IL1RAPL1: variants seen among roughly 807,000 people sequenced by gnomAD.
IL1RAPL1 encodes interleukin 1 receptor accessory protein like 1.
A neutral mutation model predicts 48.4 loss-of-function variants in IL1RAPL1; 3 were observed. That is an observed-to-expected ratio of 0.06 (90% CI 0.03 to 0.16). The LOEUF is 0.16. Ranked by LOEUF, IL1RAPL1 falls within the 10% of genes least tolerant of loss-of-function variation. The probability of loss-of-function intolerance (pLI) is 1.00; values close to 1 mark genes in which losing one functional copy is unlikely to be tolerated. For synonymous variants in IL1RAPL1, 185 were observed against 187.7 expected, an observed-to-expected ratio of 0.99 and a Z score of 0.12; for missense variants, 349 against 530.6, an observed-to-expected ratio of 0.66 and a Z score of 3.36.
chrX:29,149,614 A>G (rs1240343507), intron 2 of IL1RAPL1, among the ~76,000 whole-genome samples: 3 of 111,716 alleles, frequency 2.7e-5, no homozygotes, highest in African/African-American at 9.8e-5. Flanking sequence ...CTTTTTCTCC[A>G]GTAATCCAAA....
intron 2 of IL1RAPL1, among the ~76,000 whole-genome samples, chrX:28,839,456 C>T (rs73631609): frequency 0.024 from 2,675 of 110,371 alleles, 75 homozygotes; most frequent in African/African-American, 0.083. Flanking sequence ...TATAAAGCAT[C>T]ATTTGTTTAG....
chrX:29,746,351 T>A (rs368862716), intron 6 of IL1RAPL1, among the ~76,000 whole-genome samples: 1 of 111,926 alleles, frequency 8.9e-6, no homozygotes, highest in Non-Finnish European at 1.9e-5. Flanking sequence ...GGAAAGAACT[T>A]AGAAATTTGA....
intron 8 of IL1RAPL1, among the ~76,000 whole-genome samples, chrX:29,937,903 A>ACTAT (rs1670297413): frequency 2.7e-5 from 3 of 111,741 alleles, no homozygotes; most frequent in Admixed American, 1.9e-4. Context: ...TTAGTAAATG[A>ACTAT]CTATCTATGG....
At chrX:29,158,953 C>CCT (rs758260761) in intron 2 of IL1RAPL1, among the ~76,000 whole-genome samples, 85 of 53,366 alleles carry the variant, frequency 1.6e-3, no homozygotes, top group South Asian at 3.5e-3. Flanking sequence ...CCTCCCTCTC[C>CCT]CTCTCTCTCT....
At chrX:29,416,692 T>A (rs1340150422) in intron 5 of IL1RAPL1, among the ~76,000 whole-genome samples, 1 of 111,998 alleles carries the variant, frequency 8.9e-6, no homozygotes, top group Non-Finnish European at 1.9e-5. Context: ...TTACAAATTG[T>A]TTTTTAAAAA....
At chrX:29,314,422 T>G (rs1409966882) in intron 3 of IL1RAPL1, among the ~76,000 whole-genome samples, 1 of 112,311 alleles carries the variant, frequency 8.9e-6, no homozygotes, top group African/African-American at 3.2e-5. Flanking sequence ...CAATCCATTG[T>G]CCCATGAAAG....
At chrX:29,062,042 A>C (rs940528218) in intron 2 of IL1RAPL1, among the ~76,000 whole-genome samples, 1 of 112,314 alleles carries the variant, frequency 8.9e-6, no homozygotes, top group African/African-American at 3.2e-5. Context: ...TGTAAGGAGA[A>C]AATTATTCCT....
intron 2 of IL1RAPL1, among the ~76,000 whole-genome samples, chrX:28,976,183 G>A (rs1019317821): frequency 1.8e-5 from 2 of 111,784 alleles, no homozygotes; most frequent in African/African-American, 6.5e-5. Context: ...GGATAACTCT[G>A]GCTTTTATAT....
chrX:28,691,228 T>C (rs2146925381), intron 1 of IL1RAPL1, among the ~76,000 whole-genome samples: 1 of 111,194 alleles, frequency 9.0e-6, no homozygotes, highest in Non-Finnish European at 1.9e-5. Flanking sequence ...CTTCTTTAAG[T>C]CATTTATAAG....
At chrX:28,949,839 G>A (rs1354208488) in intron 2 of IL1RAPL1, among the ~76,000 whole-genome samples, 13 of 109,717 alleles carry the variant, frequency 1.2e-4, no homozygotes, top group Non-Finnish European at 2.5e-4. Flanking sequence ...CTGGATATTA[G>A]CCCTTTGTCA....
chrX:29,260,523 A>G (rs1038473432), intron 2 of IL1RAPL1, among the ~76,000 whole-genome samples: 8 of 111,632 alleles, frequency 7.2e-5, no homozygotes, highest in Admixed American at 3.8e-4. Context: ...AAACAGTATG[A>G]GGGAAACCGC....
At chrX:28,754,776 G>A (rs1017157244) in intron 1 of IL1RAPL1, among the ~76,000 whole-genome samples, 2 of 111,687 alleles carry the variant, frequency 1.8e-5, no homozygotes, top group Non-Finnish European at 3.8e-5. Flanking sequence ...TCTTTTTCTG[G>A]AACAACGTTG....
intron 6 of IL1RAPL1, among the ~76,000 whole-genome samples, chrX:29,784,680 C>CT (rs1298771019): frequency 1.4e-5 from 1 of 69,674 alleles, no homozygotes; most frequent in Non-Finnish European, 3.0e-5. Context: ...TTCTTATTAT[C>CT]TTAAAAAAAA....
intron 2 of IL1RAPL1, among the ~76,000 whole-genome samples, chrX:29,182,052 C>T (rs776020806): frequency 2.7e-5 from 3 of 110,789 alleles, no homozygotes; most frequent in Non-Finnish European, 5.7e-5. Flanking sequence ...AGATGGAGGG[C>T]GGTTGCCAGG....
chrX:29,350,494 G>A (rs182333781), intron 3 of IL1RAPL1, among the ~76,000 whole-genome samples: 91 of 107,442 alleles, frequency 8.5e-4, no homozygotes, highest in Admixed American at 5.4e-3. Context: ...CTGAATGTCC[G>A]AATGAGTTTT....
At position 29,090,412 on chromosome X, in the gene IL1RAPL1, A is replaced by G. The variant is rs189058693; in HGVS notation, c.83-192526A>G. ...TTAAACGCTTTTTTCTAAAGCTCAA[A>G]CTGAGAGGAAAACTTTTACATTTAA... On this transcript the variant is annotated intron_variant, in intron 2 of 10. Coordinates refer to ENST00000378993, the MANE Select transcript of IL1RAPL1 (RefSeq NM_014271.4). 2.6e-3 allele frequency among the ~76,000 whole-genome samples: 288 copies of G among 112,030 alleles called. 4 individuals are homozygous for G. The highest frequency in any genetic ancestry group is 3.9e-3 in the Non-Finnish European group (205 of 53,110).
chrX:29,301,843 C>T lies in IL1RAPL1; in HGVS notation c.362+18626C>T, dbSNP rs905185288. Among the ~76,000 whole-genome samples the T allele has an allele frequency of 1.4e-4, 15 of 111,022 alleles. No homozygotes were observed. The South Asian group carries it at 3.0e-3, about 23-fold the overall frequency. On this transcript the variant is annotated intron_variant, in intron 3 of 10. Coordinates refer to ENST00000378993, the MANE Select transcript of IL1RAPL1 (RefSeq NM_014271.4). Reference sequence around the variant, plus strand: ...CCAGAGAGACTCAGGGATGGATACACAGAAGACAGGTCTCTGAGGCTACAC... The same window carrying T: ...CCAGAGAGACTCAGGGATGGATACATAGAAGACAGGTCTCTGAGGCTACAC...
intron 5 of IL1RAPL1, among the ~76,000 whole-genome samples, chrX:29,554,987 C>T (rs187054771): frequency 5.9e-4 from 66 of 112,340 alleles, no homozygotes; most frequent in Middle Eastern, 4.6e-3. Context: ...CCTTTTGCTG[C>T]AGATATTATG....
chrX:29,039,095 CT>C (rs1359445453), intron 2 of IL1RAPL1, among the ~76,000 whole-genome samples: 1 of 111,845 alleles, frequency 8.9e-6, no homozygotes, highest in Non-Finnish European at 1.9e-5. Flanking sequence ...TAGATACAAC[CT>C]TTTTTTGCAC....
Sources: allele counts gnomAD v4.1 joint callset (sites outside exome capture counted in the v4.1 genomes callset), GRCh38; gene constraint gnomAD v4.1.1; transcripts MANE v1.5; gene names NCBI Gene and HGNC (gene_info 2026-07-23, HGNC 2026-07-21).